TBC1D14: variants seen among roughly 807,000 people sequenced by gnomAD.
The protein encoded by TBC1D14 is TBC1 domain family member 14, also known as TBC1 domain family, member 14.
In TBC1D14, 26 loss-of-function variants were observed where a neutral mutation model predicts 79.0. The ratio of observed to expected loss-of-function variants is 0.33; its 90% CI spans 0.24 to 0.46. The LOEUF is 0.46. Among genes scored for constraint, TBC1D14 ranks in the 20% least tolerant of loss-of-function variants. The pLI is 1.00. For missense variants in TBC1D14, 769 were observed against 887.6 expected (o/e 0.87, Z 1.70); for synonymous variants, 394 against 349.9 (o/e 1.13, Z -1.40).
At chr4:6,915,397 C>T (rs537099818) in intron 1 of TBC1D14, among the ~76,000 whole-genome samples, 10 of 152,232 alleles carry the variant, frequency 6.6e-5, no homozygotes, top group African/African-American at 2.4e-4. Flanking sequence ...TTTTGTTATT[C>T]CCATCTGGAA....
At chr4:7,009,421 G>A (rs1720525774) in intron 9 of TBC1D14, among the ~76,000 whole-genome samples, 2 of 152,210 alleles carry the variant, frequency 1.3e-5, no homozygotes, top group East Asian at 3.8e-4. Context: ...TTGCCATTCA[G>A]AAAACCAACA....
intron 2 of TBC1D14, among the ~76,000 whole-genome samples, chr4:6,963,073 G>A (rs1377608877): frequency 6.6e-6 from 1 of 152,266 alleles, no homozygotes; most frequent in Non-Finnish European, 1.5e-5. Context: ...GTACAGAATG[G>A]AGGGAATGCC....
intron 6 of TBC1D14, among the ~76,000 whole-genome samples, chr4:7,000,718 G>C (rs923766522): frequency 6.6e-6 from 1 of 152,214 alleles, no homozygotes; most frequent in African/African-American, 2.4e-5. Context: ...CTGACTCTCT[G>C]CTGGGGTCTG....
intron 5 of TBC1D14, among the ~76,000 whole-genome samples, chr4:6,998,071 A>G (rs144513990): frequency 2.2e-4 from 34 of 152,330 alleles, no homozygotes; most frequent in Middle Eastern, 3.4e-3. Context: ...CTATTTGTAG[A>G]TTAAGAGTAA....
intron 2 of TBC1D14, among the ~76,000 whole-genome samples, chr4:6,947,604 G>A (rs566652892): frequency 1.3e-3 from 198 of 150,878 alleles, no homozygotes; most frequent in African/African-American, 4.7e-3. Context: ...GGAGGTTGTA[G>A]TGAGCTGAGA....
intron 2 of TBC1D14, among the ~76,000 whole-genome samples, chr4:6,936,875 A>G (rs763636695): frequency 5.8e-4 from 88 of 150,784 alleles, no homozygotes; most frequent in Non-Finnish European, 2.4e-4. Flanking sequence ...GGTCTCGAGG[A>G]TGGGTGTCTT....
intron 2 of TBC1D14, among the ~76,000 whole-genome samples, chr4:6,952,969 G>A (rs1382159295): frequency 6.7e-6 from 1 of 150,354 alleles, no homozygotes; most frequent in African/African-American, 2.5e-5. Context: ...AGCCTCCCGA[G>A]TACCTAGGAT....
intron 2 of TBC1D14, chr4:6,954,356 T>C: frequency 1.4e-6 from 1 of 715,238 alleles, no homozygotes; most frequent in Non-Finnish European, 2.6e-6. Flanking sequence ...GCTGCTTTCT[T>C]GCCTTTCTTG....
chr4:7,015,812 C>T (rs1423495762), intron 12 of TBC1D14, among the ~76,000 whole-genome samples: 1 of 152,170 alleles, frequency 6.6e-6, no homozygotes, highest in Non-Finnish European at 1.5e-5. Context: ...TATCTGGAGG[C>T]CACAGTGATT....
intron 2 of TBC1D14, among the ~76,000 whole-genome samples, chr4:6,938,405 C>A (rs976695775): frequency 6.6e-6 from 1 of 152,160 alleles, no homozygotes; most frequent in African/African-American, 2.4e-5. Flanking sequence ...GAGGAAACAT[C>A]TGGGAGGAAC....
chr4:6,999,953 C>T (rs981750110), intron 6 of TBC1D14, among the ~76,000 whole-genome samples: 21 of 152,034 alleles, frequency 1.4e-4, no homozygotes, highest in Admixed American at 2.6e-4. Flanking sequence ...GGCCAGTGTG[C>T]GGGCAGAAGT....
At position 6,995,153 on chromosome 4, in the gene TBC1D14, G is replaced by A. The variant is rs143084458; in HGVS notation, c.962+851G>A. 3.2e-3 allele frequency among the ~76,000 whole-genome samples: 494 copies of A among 152,310 alleles called. 1 individual carries two copies. The highest frequency in any genetic ancestry group is 0.011 in the African/African-American group (464 of 41,566). ...CTAGTGCCAGTACAGTTACAAGCAC[G>A]CTTCTGAAAGAGAGCACGAATTGTA... On this transcript the variant is annotated intron_variant, in intron 4 of 13. Coordinates refer to ENST00000409757, the MANE Select transcript of TBC1D14 (RefSeq NM_020773.3).
intron 2 of TBC1D14, among the ~76,000 whole-genome samples, chr4:6,939,441 C>T (rs532301741): frequency 2.6e-5 from 4 of 152,122 alleles, no homozygotes; most frequent in Non-Finnish European, 4.4e-5. Context: ...GCGCACCCCT[C>T]GAGGGACTGC....
intron 8 of TBC1D14, among the ~76,000 whole-genome samples, chr4:7,005,336 C>T (rs1720074830): frequency 6.6e-6 from 1 of 152,054 alleles, no homozygotes; most frequent in Non-Finnish European, 1.5e-5. Flanking sequence ...GAGTTCGAGA[C>T]CAGCCTGGTC....
intron 4 of TBC1D14, among the ~76,000 whole-genome samples, chr4:6,994,660 C>T (rs112152648): frequency 0.099 from 15,001 of 151,918 alleles, 1,252 homozygotes; most frequent in African/African-American, 0.22. Flanking sequence ...CCAGCCTGGC[C>T]AACATGGTGA....
At chr4:6,910,853 G>C (rs925872776) in intron 1 of TBC1D14, among the ~76,000 whole-genome samples, 1 of 152,178 alleles carries the variant, frequency 6.6e-6, no homozygotes, top group Non-Finnish European at 1.5e-5. Context: ...TATAGGCACC[G>C]GTGCGTTTTG....
At chr4:6,947,155 G>A (rs1381581004) in intron 2 of TBC1D14, among the ~76,000 whole-genome samples, 1 of 151,588 alleles carries the variant, frequency 6.6e-6, no homozygotes, top group Non-Finnish European at 1.5e-5. Context: ...GAGTTCAGGA[G>A]TTCAAGACCA....
chr4:7,030,106 A>G (rs1722890435), intron 13 of TBC1D14, among the ~76,000 whole-genome samples: 1 of 152,154 alleles, frequency 6.6e-6, no homozygotes, highest in African/African-American at 2.4e-5. Context: ...GGCCGGCTGG[A>G]AGGAGTGCAG....
intron 2 of TBC1D14, among the ~76,000 whole-genome samples, chr4:6,960,273 G>A (rs983232387): frequency 1.6e-5 from 2 of 121,734 alleles, no homozygotes; most frequent in African/African-American, 6.2e-5. Context: ...TGTATTTTTT[G>A]TAGAGACAAG....
Sources: gnomAD v4.1 joint callset for allele counts (sites outside exome capture counted in the v4.1 genomes callset) on GRCh38, gnomAD v4.1.1 for gene constraint, MANE v1.5 for transcripts, NCBI Gene and HGNC (gene_info 2026-07-23, HGNC 2026-07-21) for gene names.